Variants in PDIA3 observed in about 807,000 individuals in gnomAD.
The protein encoded by PDIA3 is protein disulfide isomerase family A member 3.
A neutral mutation model predicts 56.9 loss-of-function variants in PDIA3; 16 were observed. The observed-to-expected ratio is 0.28, with a 90% CI of 0.19 to 0.43. The LOEUF (loss-of-function observed/expected upper bound fraction) is 0.43, where lower values mean the gene tolerates loss of function less well. PDIA3 is among the 20% of genes least tolerant of loss of function. PDIA3 has a pLI of 1.00. For synonymous variants in PDIA3, 192 were observed against 216.5 expected (o/e 0.89, Z 0.99); for missense variants, 485 against 621.3 (o/e 0.78, Z 2.33).
At chr15:43,746,876 G>A in intron 1 of PDIA3, 170 bp downstream of exon 1, 1 of 735,556 alleles carries the variant, frequency 1.4e-6, no homozygotes, top group Non-Finnish European at 2.2e-6. Flanking sequence ...CCGAGAGCGG[G>A]GGAGTCGGTG....
Position 43,756,785 on chromosome 15 carries a change from A to T in PDIA3, c.364+19A>T, listed in dbSNP as rs376357067. The T allele has an allele frequency of 3.8e-6, 5 of 1,308,742 alleles. No individual in the cohort carries two copies. Among genetic ancestry groups the T allele is most frequent in the Non-Finnish European group, 5.5e-6 (5 of 907,524 alleles). The allele number at this position is 1,308,742 out of a possible 1,614,324, so 81.1% of individuals were successfully genotyped here. A position where few individuals can be genotyped will look rare whatever the true frequency, so the allele number is the denominator to read the frequency against. ...ACTGCTGGTAAGGATCCTGAATTAC[A>T]TTCTGGAAACTGATGTTAAGTACCT... On this transcript the variant is annotated intron_variant, in intron 3 of 12. Coordinates refer to ENST00000300289, the MANE Select transcript of PDIA3 (RefSeq NM_005313.5).
chr15:43,772,215 T>G lies in PDIA3; in HGVS notation c.*997T>G, dbSNP rs1446594514. 1 of 152,234 alleles carries G rather than the reference T, an allele frequency of 6.6e-6. No homozygotes were observed. Among genetic ancestry groups the G allele is most frequent in the African/African-American group, 2.4e-5 (1 of 41,454 alleles). 9.4% of individuals were successfully genotyped at this position (152,234 alleles called of 1,614,324 possible). On this transcript the variant is annotated 3_prime_UTR_variant, in exon 13 of 13. Coordinates refer to ENST00000300289, the MANE Select transcript of PDIA3 (RefSeq NM_005313.5). Reference sequence around the variant, plus strand: ...AGTGATCTTTTGTCCAACTAAACCATTTATCTCCTTTTGTAGGTAAATTCA... The same window carrying G: ...AGTGATCTTTTGTCCAACTAAACCAGTTATCTCCTTTTGTAGGTAAATTCA...
chr15:43,762,604 C>G (rs2086823744), intron 4 of PDIA3, among the ~76,000 whole-genome samples: 1 of 151,306 alleles, frequency 6.6e-6, no homozygotes, highest in African/African-American at 2.4e-5. Flanking sequence ...CTAGATTTTA[C>G]TGATTCTTTA....
chr15:43,749,772 T>C (rs1046246787), intron 1 of PDIA3, among the ~76,000 whole-genome samples: 1 of 152,060 alleles, frequency 6.6e-6, no homozygotes, highest in Non-Finnish European at 1.5e-5. Context: ...AGACCCCATC[T>C]CTACTAAAAA....
rs2086886738 is a variant in PDIA3, at chr15:43,772,372, A to G, written c.*1154A>G. 6.6e-6 allele frequency: 1 copy of G among 152,240 alleles called. No homozygotes were observed. The highest frequency in any genetic ancestry group is 2.1e-4 in the South Asian group (1 of 4,834). The allele number at this position is 152,240 out of a possible 1,614,324, so 9.4% of individuals were successfully genotyped here. A position where few individuals can be genotyped will look rare whatever the true frequency, so the allele number is the denominator to read the frequency against. ...ATATAATTACAGTATTTAGCTGTCA[A>G]TTTTAAGATGAATTTGGTAGAGCCT... is the stretch of plus-strand genomic sequence containing the variant. On this transcript the variant is annotated 3_prime_UTR_variant, in exon 13 of 13. Transcript: ENST00000300289.
intron 8 of PDIA3, among the ~76,000 whole-genome samples, chr15:43,767,607 T>C (rs2086855749): frequency 6.7e-6 from 1 of 148,182 alleles, no homozygotes; most frequent in Admixed American, 6.8e-5. Context: ...CCGTCTCTAC[T>C]AAAAATACAA....
At chr15:43,747,434 C>A (rs1184319972) in intron 1 of PDIA3, among the ~76,000 whole-genome samples, 1 of 152,156 alleles carries the variant, frequency 6.6e-6, no homozygotes, top group Non-Finnish European at 1.5e-5. Flanking sequence ...ATTACATACT[C>A]CACTTTAGGG....
chr15:43,755,796 C>T (rs1567156190), intron 2 of PDIA3, among the ~76,000 whole-genome samples: 2 of 152,058 alleles, frequency 1.3e-5, no homozygotes, highest in African/African-American at 2.4e-5. Context: ...TGCCTGCAAT[C>T]CCAGCTACTC....
intron 12 of PDIA3, 44 bp from the exon 13 acceptor site, chr15:43,771,061 T>C (rs373091668): frequency 2.1e-5 from 28 of 1,341,350 alleles, no homozygotes; most frequent in Admixed American, 1.3e-4. Flanking sequence ...CAGATCAGGG[T>C]TCTTTAAAAA....
Position 43,770,560 on chromosome 15 carries a change from C to G in PDIA3, c.1384C>G (p.Leu462Val), listed in dbSNP as rs778233542. 1.9e-6 allele frequency: 3 copies of G among 1,610,858 alleles called. No individual in the cohort carries two copies. Among genetic ancestry groups the G allele is most frequent in the South Asian group, 2.2e-5 (2 of 91,022 alleles). The stretch of plus-strand genomic sequence containing the variant: ...ATACTTCTCTCCAGCCAACAAGAAG[C>G]TAAATCCAAAGAAATATGAAGTAAG... Reference protein sequence around the residue: ...TIYFSPANKKLNPKKYEGGRE... With the variant: ...TIYFSPANKKVNPKKYEGGRE... The change falls in exon 12 of 13, where the codon CTA (leucine) becomes GTA (valine). Residue 462 changes from leucine (L) to valine (V), a missense_variant. Coordinates refer to ENST00000300289, the MANE Select transcript of PDIA3 (RefSeq NM_005313.5).
chr15:43,766,963 T>A, intron 8 of PDIA3, 53 bp downstream of exon 8: 1 of 1,455,892 alleles, frequency 6.9e-7, no homozygotes, highest in Non-Finnish European at 9.6e-7. Context: ...AAGCCTTTTA[T>A]ACTACAAAGG....
At chr15:43,755,992 T>C (rs887597231) in intron 2 of PDIA3, among the ~76,000 whole-genome samples, 3 of 152,174 alleles carry the variant, frequency 2.0e-5, no homozygotes, top group African/African-American at 7.2e-5. Flanking sequence ...TGGATCTTAG[T>C]TTACCCATCT....
chr15:43,753,203 G>T (rs1233232443), intron 1 of PDIA3, among the ~76,000 whole-genome samples: 1 of 149,664 alleles, frequency 6.7e-6, no homozygotes, highest in Non-Finnish European at 1.5e-5. Context: ...TCAGCCTCCC[G>T]ATTAGCTTTG....
chr15:43,766,396 C>T (rs948391810), intron 7 of PDIA3, among the ~76,000 whole-genome samples: 1 of 152,178 alleles, frequency 6.6e-6, no homozygotes, highest in Admixed American at 6.5e-5. Context: ...TGCTTACTTG[C>T]ACATTGAGCC....
chr15:43,771,622 A>C lies in PDIA3; in HGVS notation c.*404A>C. ...CAATAGAGCTTTCTTCAGTGATGGA[A>C]ATGCTCTGTAATCTACACTGTTCAG... On this transcript the variant is annotated 3_prime_UTR_variant, in exon 13 of 13. Coordinates refer to ENST00000300289, the MANE Select transcript of PDIA3 (RefSeq NM_005313.5). 2.4e-6 allele frequency: 1 copy of C among 409,778 alleles called. No individual in the cohort carries two copies. Among genetic ancestry groups the C allele is most frequent in the East Asian group, 3.5e-5 (1 of 28,658 alleles). The allele number at this position is 409,778 out of a possible 1,614,324, so 25.4% of individuals were successfully genotyped here.
intron 9 of PDIA3, among the ~76,000 whole-genome samples, 196 bp downstream of exon 9, chr15:43,768,793 G>T (rs909440015): frequency 2.0e-4 from 30 of 151,956 alleles, no homozygotes; most frequent in African/African-American, 7.3e-4. Context: ...GGAGGCAAAG[G>T]CGGGCACATC....
intron 2 of PDIA3, among the ~76,000 whole-genome samples, chr15:43,755,844 G>A (rs981022161): frequency 2.0e-5 from 3 of 151,792 alleles, no homozygotes; most frequent in Admixed American, 6.6e-5. Flanking sequence ...AACCTGTGTG[G>A]TAGAGGTTGC....
In PDIA3 at chr15:43,772,688, A is replaced by G. The variant is rs2788; in HGVS notation, c.*1470A>G. 0.16 allele frequency: 24,772 copies of G among 154,008 alleles called. 2,622 individuals carry two copies. Among genetic ancestry groups the G allele is most frequent in the African/African-American group, 0.29 (12,053 of 41,612 alleles). The allele number at this position is 154,008 out of a possible 1,614,324, so 9.5% of individuals were successfully genotyped here. A position where few individuals can be genotyped will look rare whatever the true frequency, so the allele number is the denominator to read the frequency against. On this transcript the variant is annotated 3_prime_UTR_variant, in exon 13 of 13. Transcript: ENST00000300289. ...ATGGGTAACACCCAGGCCCTTTCCC[A>G]TTATATCCAGGTATGCTACAAGTTC...
At chr15:43,767,958 T>A (rs1029177143) in intron 8 of PDIA3, among the ~76,000 whole-genome samples, 1 of 151,854 alleles carries the variant, frequency 6.6e-6, no homozygotes, top group Non-Finnish European at 1.5e-5. Context: ...CCAAAAAATT[T>A]AAAAATCTAA....
Sources: allele counts gnomAD v4.1 joint callset (sites outside exome capture counted in the v4.1 genomes callset), GRCh38; gene constraint gnomAD v4.1.1; transcripts MANE v1.5; gene names NCBI Gene and HGNC (gene_info 2026-07-23, HGNC 2026-07-21).